Variants in TTC3 observed in about 807,000 individuals in gnomAD.
TTC3 encodes E3 ubiquitin-protein ligase TTC3.
TTC3 carries 180 observed loss-of-function variants against 249.6 expected under a neutral mutation model. The observed-to-expected ratio is 0.72, with a 90% CI of 0.64 to 0.82. The LOEUF is 0.82. Ranked by LOEUF, TTC3 falls within the 40% of genes least tolerant of loss-of-function variation. TTC3 has a pLI of 0.00. For synonymous variants in TTC3, 717 were observed against 805.0 expected (o/e 0.89, Z 1.85); for missense variants, 2,061 against 2,398.4 (o/e 0.86, Z 2.94).
At chr21:37,187,833 T>C (rs2083473971) in intron 38 of TTC3, 2 of 152,278 alleles carry the variant, frequency 1.3e-5, no homozygotes, top group African/African-American at 4.8e-5. Context: ...AGAGCCAAAG[T>C]ATGAATACTT....
chr21:37,129,206 A>C (rs1328971505), intron 16 of TTC3, 143 bp downstream of exon 16: 1 of 451,266 alleles, frequency 2.2e-6, no homozygotes. Flanking sequence ...TATCAAAAGC[A>C]TATCTTTAGG....
chr21:37,089,623 C>T (rs1355677189), intron 5 of TTC3, among the ~76,000 whole-genome samples: 2 of 152,170 alleles, frequency 1.3e-5, no homozygotes, highest in East Asian at 3.9e-4. Context: ...AAGCGATTCT[C>T]CTGCCTCAGC....
chr21:37,122,419 AAT>A (rs980094706), intron 12 of TTC3, among the ~76,000 whole-genome samples: 659 of 37,894 alleles, frequency 0.017, 4 homozygotes, highest in Non-Finnish European at 0.033. Flanking sequence ...ATATATATAT[AAT>A]ATATATATAT....
chr21:37,160,945 G>T, intron 30 of TTC3, 87 bp downstream of exon 30: 1 of 1,330,164 alleles, frequency 7.5e-7, no homozygotes, highest in Non-Finnish European at 1.0e-6. Context: ...CAATTCTTGG[G>T]ATATTTTGAA....
rs191346228 is a variant in TTC3, at chr21:37,076,073, A to G, written c.-12+2709A>G. ...AATGTGCTTACTTCCAGAGGTGACT[A>G]CCATCCTGAATTGTGTATATTATGC... On this transcript the variant is annotated intron_variant, in intron 1 of 45. Coordinates refer to ENST00000355666, the Ensembl canonical transcript of TTC3. 1.5e-3 allele frequency among the ~76,000 whole-genome samples: 225 copies of G among 152,360 alleles called. 2 individuals carry two copies. Among genetic ancestry groups the G allele is most frequent in the African/African-American group, 4.9e-3 (204 of 41,588 alleles).
At chr21:37,119,597 A>C (rs1240838627) in intron 11 of TTC3, among the ~76,000 whole-genome samples, 1 of 152,060 alleles carries the variant, frequency 6.6e-6, no homozygotes, top group African/African-American at 2.4e-5. Context: ...TCCTTAACTG[A>C]GAGAGGCTGC....
chr21:37,108,505 C>T (rs2835603), intron 11 of TTC3, 59 bp downstream of exon 11: 2 of 1,491,588 alleles, frequency 1.3e-6, no homozygotes, highest in Non-Finnish European at 1.8e-6. Flanking sequence ...TGTGAAAAAT[C>T]TGTTTATAGG....
chr21:37,087,109 G>A, intron 1 of TTC3, 138 bp from the exon 2 acceptor site: 1 of 876,480 alleles, frequency 1.1e-6, no homozygotes, highest in East Asian at 2.5e-5. Context: ...ATCTTTCGGA[G>A]CTCAGTGTTC....
chr21:37,193,358 T>C (rs1322402377), intron 41 of TTC3, among the ~76,000 whole-genome samples: 1 of 85,480 alleles, frequency 1.2e-5, no homozygotes, highest in East Asian at 5.1e-4. Context: ...TTACTGTGAA[T>C]TCATCTGAAA....
chr21:37,169,152 G>A (rs988665857), intron 34 of TTC3, among the ~76,000 whole-genome samples: 8 of 152,162 alleles, frequency 5.3e-5, no homozygotes, highest in Non-Finnish European at 1.2e-4. Context: ...TCTATACAAG[G>A]CTGTGACTAA....
chr21:37,149,934 G>A (rs1469396419), intron 23 of TTC3, 144 bp from the exon 24 acceptor site: 7 of 599,040 alleles, frequency 1.2e-5, no homozygotes, highest in Admixed American at 3.2e-5. Flanking sequence ...TCGCATGGCA[G>A]TGAGTAAGGA....
rs765902568 is a variant in TTC3, at chr21:37,140,541, T to G, written c.1660-20T>G. 6.8e-7 allele frequency: 1 copy of G among 1,478,104 alleles called. No individual in the cohort carries two copies. The highest frequency in any genetic ancestry group is 2.3e-5 in the Admixed American group (1 of 42,814). The allele number at this position is 1,478,104 out of a possible 1,614,324, so 91.6% of individuals were successfully genotyped here. On this transcript the variant is annotated intron_variant, in intron 19 of 45. Transcript: ENST00000355666. The stretch of plus-strand genomic sequence containing the variant: ...TTTCTCTTTGTATGTAAGTGATCAT[T>G]GTTTTCACTGCTATTCAAGGAATTA...
At chr21:37,190,130 C>CTTTTTTTTTTTTTTTTTTTTTT in intron 39 of TTC3, among the ~76,000 whole-genome samples, 1 of 65,048 alleles carries the variant, frequency 1.5e-5, no homozygotes, top group Non-Finnish European at 2.8e-5. Flanking sequence ...CTTTTTCTTT[C>CTTTTTTTTTTTTTTTTTTTTTT]TTTTTTTTTT....
intron 29 of TTC3, 53 bp downstream of exon 29, chr21:37,159,798 G>A: frequency 1.3e-6 from 2 of 1,551,512 alleles, no homozygotes; most frequent in Admixed American, 1.7e-5. Context: ...GTTAAACCAA[G>A]GATGAGAAGG....
At chr21:37,081,108 C>T (rs1246114782) in intron 1 of TTC3, among the ~76,000 whole-genome samples, 2 of 109,448 alleles carry the variant, frequency 1.8e-5, no homozygotes, top group Non-Finnish European at 1.9e-5. Flanking sequence ...TTTATTTATG[C>T]CTTTTTTTTT....
rs768174292 is a variant in TTC3, at chr21:37,165,808, G to A, written c.3594G>A (p.Gly1198=). The A allele has an allele frequency of 1.1e-5, 18 of 1,613,954 alleles. 1 individual carries two copies. Among genetic ancestry groups the A allele is most frequent in the Middle Eastern group, 1.6e-4 (1 of 6,084 alleles). Residue 1198 remains glycine (G), a synonymous_variant, in exon 33 of 46, where the codon GGG becomes GGA. Transcript: ENST00000355666. ...AAGTAGAAGAAATTTCAAAAGCAGG[G>A]GAGTATGTACGAGTTAAACTACAAC...
At chr21:37,197,758 A>AAG in intron 43 of TTC3, 62 bp downstream of exon 43, 1 of 1,540,790 alleles carries the variant, frequency 6.5e-7, no homozygotes, top group Non-Finnish European at 8.7e-7. Context: ...AATTGTTAAA[A>AAG]AAAAAAAAAA....
rs1569051844 is a variant in TTC3, at chr21:37,147,499, GT to G, written c.1914del (p.Glu639LysfsTer28). 6.2e-7 allele frequency: 1 copy of G among 1,607,230 alleles called. No individual in the cohort carries two copies. Among genetic ancestry groups the G allele is most frequent in the Non-Finnish European group, 8.5e-7 (1 of 1,178,204 alleles). ...GTTTTAGATGCTGTTAGAGAAATTT[GT>G]TGAAGAATGCAAGTTCCCTCCAGTG... On this transcript the variant is annotated frameshift_variant, in exon 22 of 46. Transcript: ENST00000355666. LOFTEE classifies it high-confidence loss of function.
At chr21:37,083,444 T>A in intron 1 of TTC3, 1 of 975,294 alleles carries the variant, frequency 1.0e-6, no homozygotes, top group Non-Finnish European at 1.2e-6. Flanking sequence ...GTTAGGAGAC[T>A]GCTTGTTAAA....
Sources: allele counts gnomAD v4.1 joint callset (sites outside exome capture counted in the v4.1 genomes callset), GRCh38; gene constraint gnomAD v4.1.1; transcripts MANE v1.5; gene names NCBI Gene and HGNC (gene_info 2026-07-23, HGNC 2026-07-21).